Variants in DNAH11 observed in about 807,000 individuals in gnomAD.
The protein encoded by DNAH11 is axonemal beta dynein heavy chain 11.
In DNAH11, 442 loss-of-function variants were observed where a neutral mutation model predicts 526.0. The ratio of observed to expected loss-of-function variants is 0.84; its 90% CI spans 0.78 to 0.91. DNAH11 has a LOEUF of 0.91. Ranked by LOEUF, DNAH11 falls within the 40% of genes least tolerant of loss-of-function variation. DNAH11 has a pLI of 0.00. For synonymous variants in DNAH11, 2,461 were observed against 1,935.9 expected (o/e 1.27, Z -7.12); for missense variants, 6,989 against 5,448.7 (o/e 1.28, Z -8.90).
Position 21,616,131 on chromosome 7 carries a change from A to G in DNAH11, c.4012-78A>G, listed in dbSNP as rs937720768. 82 of 1,030,480 alleles carry G rather than the reference A, an allele frequency of 8.0e-5. No individual in the cohort carries two copies. The East Asian group carries it at 1.9e-3, about 23-fold the overall frequency. 63.8% of individuals were successfully genotyped at this position (1,030,480 alleles called of 1,614,324 possible). ...CTGGATGATAGAGTTACAGTGTATCATCAGTTTATATATTTTGCTGCAGAG... is the reference window on the plus strand; with the variant it reads ...CTGGATGATAGAGTTACAGTGTATCGTCAGTTTATATATTTTGCTGCAGAG... On this transcript the variant is annotated intron_variant, in intron 21 of 81. Coordinates refer to ENST00000409508, the MANE Select transcript of DNAH11 (RefSeq NM_001277115.2).
Position 21,555,588 on chromosome 7 carries a change from CTA to C in DNAH11, c.496-3212_496-3211del, listed in dbSNP as rs141254583. ...TTCGAACTCCGCACTTGCTTCATATCTATGTTATATCTCAGTTACACACACTT... is the reference window on the plus strand; with the variant it reads ...TTCGAACTCCGCACTTGCTTCATATCTGTTATATCTCAGTTACACACACTT... On this transcript the variant is annotated intron_variant, in intron 2 of 81. Transcript: ENST00000409508. 3.4e-3 allele frequency among the ~76,000 whole-genome samples: 520 copies of C among 152,316 alleles called. 5 individuals are homozygous for C. Among genetic ancestry groups the C allele is most frequent in the African/African-American group, 0.012 (497 of 41,576 alleles).
At chr7:21,622,044 T>C (rs1009029995) in intron 25 of DNAH11, among the ~76,000 whole-genome samples, 1 of 152,112 alleles carries the variant, frequency 6.6e-6, no homozygotes, top group Non-Finnish European at 1.5e-5. Context: ...TGTTTGCAGA[T>C]GACATGATTG....
At position 21,899,566 on chromosome 7, in the gene DNAH11, G is replaced by A. The variant is rs1784669495; in HGVS notation, c.13162+118G>A. ...CCTGCTCACCAATCCTCAAGCAGCA[G>A]CCATTATAGAAAGGACCAGCAGCTA... On this transcript the variant is annotated intron_variant, in intron 80 of 81. Transcript: ENST00000409508. The A allele has an allele frequency of 3.9e-5, 32 of 815,278 alleles. No homozygotes were observed. The South Asian group carries it at 5.2e-4, about 13-fold the overall frequency. The allele number at this position is 815,278 out of a possible 1,614,324, so 50.5% of individuals were successfully genotyped here.
At chr7:21,900,799 A>T in intron 81 of DNAH11, 1 of 620,348 alleles carries the variant, frequency 1.6e-6, no homozygotes, top group Non-Finnish European at 2.5e-6. Context: ...TTTAACCACT[A>T]CGCATGGAAG....
chr7:21,565,792 CAGT>C (rs1783642811), intron 6 of DNAH11, among the ~76,000 whole-genome samples: 1 of 152,092 alleles, frequency 6.6e-6, no homozygotes, highest in Admixed American at 6.5e-5. Context: ...AATCGAGGCT[CAGT>C]AAATGTTAGT....
chr7:21,798,569 G>T (rs1039778617), intron 61 of DNAH11, among the ~76,000 whole-genome samples: 1 of 152,212 alleles, frequency 6.6e-6, no homozygotes, highest in Non-Finnish European at 1.5e-5. Context: ...CAGAAGGTTT[G>T]GGTTCATAGC....
chr7:21,864,587 G>C lies in DNAH11; in HGVS notation c.11426G>C (p.Arg3809Pro). Residue 3809 changes from arginine (R) to proline (P), a missense_variant, in exon 70 of 82, where the codon CGA becomes CCA. Arg to Pro is a moderately radical substitution (Grantham distance 103). Transcript: ENST00000409508. ...IDPLELDFLL[R>P]FTVEHTHLSP... The stretch of plus-strand genomic sequence containing the variant: ...CCTCTTGAATTGGATTTCCTGCTTC[G>C]ATTCACAGTTGAACACACTCATCTG... 3 of 1,611,606 alleles carry C rather than the reference G, an allele frequency of 1.9e-6. No homozygotes were observed. The highest frequency in any genetic ancestry group is 2.5e-6 in the Non-Finnish European group (3 of 1,178,770).
chr7:21,784,436 A>G lies in DNAH11; in HGVS notation c.9493A>G (p.Ile3165Val), dbSNP rs1278430892. The change falls in exon 58 of 82, where the codon ATT becomes GTT. Residue 3165 changes from isoleucine to valine, a missense_variant. Physicochemically the swap from Ile to Val is conservative, Grantham distance 29. Transcript: ENST00000409508. Reference protein sequence around the residue: ...ADAEERKVTAIQTEVFQKQRE... With the variant: ...ADAEERKVTAVQTEVFQKQRE... Reference sequence around the variant, plus strand: ...TTTCCTCTTTAATTAGGTGACAGCCATTCAGACTGAAGTGTTCCAGAAACA... The same window carrying G: ...TTTCCTCTTTAATTAGGTGACAGCCGTTCAGACTGAAGTGTTCCAGAAACA... The G allele has an allele frequency of 5.0e-6, 8 of 1,612,818 alleles. No homozygotes were observed. The highest frequency in any genetic ancestry group is 6.8e-6 in the Non-Finnish European group (8 of 1,179,332).
intron 36 of DNAH11, 150 bp downstream of exon 36, chr7:21,698,363 GT>G: frequency 1.8e-6 from 2 of 1,125,370 alleles, no homozygotes; most frequent in East Asian, 2.6e-5. Flanking sequence ...GGGAACAGGT[GT>G]TTTTTGGTTA....
chr7:21,591,200 G>T lies in DNAH11; in HGVS notation c.2290G>T (p.Asp764Tyr). 1 of 1,545,840 alleles carries T rather than the reference G, an allele frequency of 6.5e-7. No homozygotes were observed. Among genetic ancestry groups the T allele is most frequent in the South Asian group, 1.3e-5 (1 of 77,376 alleles). ...CTTTGCTCAGTACATTGGAAATCTT[G>T]ACCTTCTTGTGCAAGGGTATAATAA... is the stretch of plus-strand genomic sequence containing the variant. ...NTILKYIGNL[D>Y]LLVQGYNKLK... Residue 764 changes from aspartate (D) to tyrosine (Y), a missense_variant, in exon 14 of 82, where the codon GAC (aspartate) becomes TAC (tyrosine). Asp to Tyr is a radical substitution (Grantham distance 160). Transcript: ENST00000409508.
intron 8 of DNAH11, among the ~76,000 whole-genome samples, chr7:21,579,473 A>G (rs1044252056): frequency 6.6e-6 from 1 of 152,196 alleles, no homozygotes. Context: ...GAACATTTAC[A>G]TAGGGCCCCT....
At chr7:21,772,906 C>T (rs1787500124) in intron 55 of DNAH11, among the ~76,000 whole-genome samples, 1 of 152,134 alleles carries the variant, frequency 6.6e-6, no homozygotes, top group South Asian at 2.1e-4. Context: ...GCATCACCAG[C>T]CACGTGTGTG....
chr7:21,687,978 C>T (rs1351736581), intron 34 of DNAH11, among the ~76,000 whole-genome samples: 5 of 152,156 alleles, frequency 3.3e-5, no homozygotes, highest in Non-Finnish European at 5.9e-5. Flanking sequence ...AAGAGGATTG[C>T]TTGAGCCCAG....
chr7:21,892,762 A>G, intron 77 of DNAH11, 95 bp downstream of exon 77: 1 of 1,399,954 alleles, frequency 7.1e-7, no homozygotes, highest in Non-Finnish European at 9.4e-7. Context: ...ATAAGTTTTT[A>G]CCTAGGTTTT....
chr7:21,707,852 A>G lies in DNAH11; in HGVS notation c.6683+17A>G, dbSNP rs377421832. 3.2e-6 allele frequency: 5 copies of G among 1,555,168 alleles called. No individual in the cohort carries two copies. In the African/African-American group the frequency reaches 4.2e-5, roughly 13 times the overall value. ...AGATGGCAAGTAGTATTTCCCCTTT[A>G]GAAGTGCTCAATTTTTTTTTTCTAT... On this transcript the variant is annotated intron_variant, in intron 40 of 81. Transcript: ENST00000409508.
chr7:21,638,816 A>C (rs937986864), intron 27 of DNAH11, 123 bp from the exon 28 acceptor site: 11 of 1,172,412 alleles, frequency 9.4e-6, no homozygotes, highest in Middle Eastern at 2.0e-4. Context: ...GAAGGAAGTA[A>C]GCTACCTGTT....
rs936884682 is a variant in DNAH11, at chr7:21,634,577, A to G, written c.4501-1294A>G. Among the ~76,000 whole-genome samples, 9 of 152,312 alleles carry G rather than the reference A, an allele frequency of 5.9e-5. No homozygotes were observed. In the East Asian group the frequency reaches 1.7e-3, roughly 29 times the overall value. On this transcript the variant is annotated intron_variant, in intron 25 of 81. Transcript: ENST00000409508. Reference sequence around the variant, plus strand: ...TAGTGAGAAATACTAGCTAGGCTCCATGGCATTAAAACAAGCACTGCTGAG... The same window carrying G: ...TAGTGAGAAATACTAGCTAGGCTCCGTGGCATTAAAACAAGCACTGCTGAG...
At chr7:21,601,653 A>G in intron 18 of DNAH11, 35 bp downstream of exon 18, 1 of 1,438,814 alleles carries the variant, frequency 7.0e-7, no homozygotes, top group South Asian at 1.4e-5. Context: ...TAATTACCAT[A>G]AATTGAGCAT....
chr7:21,594,297 A>G (rs1784793809), intron 14 of DNAH11, among the ~76,000 whole-genome samples: 1 of 152,138 alleles, frequency 6.6e-6, no homozygotes, highest in Non-Finnish European at 1.5e-5. Flanking sequence ...CCCATTATGT[A>G]TCTTGTCTTT....
Sources: gnomAD v4.1 joint callset for allele counts (sites outside exome capture counted in the v4.1 genomes callset) on GRCh38, gnomAD v4.1.1 for gene constraint, MANE v1.5 for transcripts, NCBI Gene and HGNC (gene_info 2026-07-23, HGNC 2026-07-21) for gene names.